NOX4: variants seen among roughly 807,000 people sequenced by gnomAD.
NOX4 encodes the protein NADPH oxidase 4.
Under a neutral mutation model 87.6 loss-of-function variants are expected in NOX4, and 69 were observed. The ratio of observed to expected loss-of-function variants is 0.79; its 90% CI spans 0.65 to 0.96. The LOEUF (loss-of-function observed/expected upper bound fraction) is 0.96, where lower values mean the gene tolerates loss of function less well. NOX4 is among the 40% of genes least tolerant of loss of function. The probability of loss-of-function intolerance (pLI) is 0.00; values close to 1 mark genes in which losing one functional copy is unlikely to be tolerated. For synonymous variants in NOX4, 275 were observed against 238.2 expected (o/e 1.15, Z -1.42); for missense variants, 680 against 681.5 (o/e 1.00, Z 0.02).
intron 11 of NOX4, among the ~76,000 whole-genome samples, chr11:89,398,981 C>T (rs1165099863): frequency 6.6e-6 from 1 of 151,864 alleles, no homozygotes; most frequent in East Asian, 2.0e-4. Flanking sequence ...TATGCAGAAG[C>T]ATATGGGAAA....
the NOX4 span, among the ~76,000 whole-genome samples, chr11:89,560,307 A>G: frequency 6.6e-6 from 1 of 152,116 alleles, no homozygotes. Context: ...TTTCACAGGG[A>G]GCATGGCCCT....
intron 8 of NOX4, among the ~76,000 whole-genome samples, chr11:89,421,408 G>GTTTTT (rs143690618): frequency 3.3e-5 from 5 of 150,922 alleles, no homozygotes; most frequent in Non-Finnish European, 7.4e-5. Context: ...TTCACTTTAT[G>GTTTTT]TTTTTTTTCC....
chr11:89,530,636 G>C, the NOX4 span, among the ~76,000 whole-genome samples: 1 of 151,660 alleles, frequency 6.6e-6, no homozygotes. Context: ...AAAGTGTTGA[G>C]ATTACAGGTG....
intron 8 of NOX4, among the ~76,000 whole-genome samples, chr11:89,413,516 AT>A (rs1942597426): frequency 6.6e-6 from 1 of 152,132 alleles, no homozygotes; most frequent in Non-Finnish European, 1.5e-5. Context: ...AGATCCTCTC[AT>A]TTTCAACGAC....
intron 13 of NOX4, among the ~76,000 whole-genome samples, chr11:89,344,637 G>A (rs879313695): frequency 3.3e-5 from 5 of 152,182 alleles, no homozygotes; most frequent in Non-Finnish European, 4.4e-5. Flanking sequence ...ACTCTTCACC[G>A]AACATTTAAT....
At chr11:89,368,099 TAA>T (rs1939148238) in intron 12 of NOX4, among the ~76,000 whole-genome samples, 1 of 151,978 alleles carries the variant, frequency 6.6e-6, no homozygotes, top group African/African-American at 2.4e-5. Flanking sequence ...ATCATTCAAA[TAA>T]GTGTATAAAT....
intron 12 of NOX4, among the ~76,000 whole-genome samples, chr11:89,364,163 C>T (rs1265024270): frequency 2.6e-5 from 4 of 152,046 alleles, no homozygotes; most frequent in South Asian, 2.1e-4. Flanking sequence ...AAGAGGATTG[C>T]TCAAGCCCAG....
rs192537446 is a variant in NOX4, at chr11:89,468,666, A to C, written c.154-16771T>G. Among the ~76,000 whole-genome samples, 12 of 151,420 alleles carry C rather than the reference A, an allele frequency of 7.9e-5. No homozygotes were observed. The East Asian group carries it at 2.3e-3, about 30-fold the overall frequency. On this transcript the variant is annotated intron_variant, in intron 2 of 17. Transcript: ENST00000263317. ...GGTACATAAATGCAAGAATTAACCT[A>C]TTCTATTATATTGGTTGTGAATTCT...
chr11:89,518,714 T>C, the NOX4 span, among the ~76,000 whole-genome samples: 1 of 152,040 alleles, frequency 6.6e-6, no homozygotes, highest in Non-Finnish European at 1.5e-5. Flanking sequence ...AAAAGTTGTA[T>C]GGTATAATAA....
At chr11:89,517,237 T>G in the NOX4 span, among the ~76,000 whole-genome samples, 1 of 152,088 alleles carries the variant, frequency 6.6e-6, no homozygotes, top group African/African-American at 2.4e-5. Context: ...AACTTTTTAT[T>G]TCATTGGCCA....
In NOX4 at chr11:89,444,252, G is replaced by A; in HGVS notation, c.350-20C>T. 3 of 1,601,160 alleles carry A rather than the reference G, an allele frequency of 1.9e-6. No individual in the cohort carries two copies. In the East Asian group the frequency reaches 6.7e-5, roughly 36 times the overall value. ...GCACGCCTACAGAATTACACCAGGG[G>A]TAAGTTAGTGGGATTTGCATATATG... On this transcript the variant is annotated intron_variant, in intron 4 of 17. Transcript: ENST00000263317.
the NOX4 span, among the ~76,000 whole-genome samples, chr11:89,550,874 A>G: frequency 2.0e-5 from 3 of 152,118 alleles, no homozygotes; most frequent in African/African-American, 7.2e-5. Context: ...GCCCATGCCC[A>G]TGGTATTGCC....
chr11:89,502,392 C>T (rs965623611), upstream of NOX4, among the ~76,000 whole-genome samples: 8 of 152,084 alleles, frequency 5.3e-5, no homozygotes, highest in Non-Finnish European at 8.8e-5. Context: ...GAGAAAATTG[C>T]TTATATTTCA....
At chr11:89,572,527 TTTTG>T in the NOX4 span, among the ~76,000 whole-genome samples, 170 of 152,028 alleles carry the variant, frequency 1.1e-3, no homozygotes, top group African/African-American at 3.1e-3. Context: ...TTATATGTTT[TTTTG>T]TTTGTTTGTT....
At chr11:89,337,834 T>C (rs1261163691) in intron 15 of NOX4, among the ~76,000 whole-genome samples, 1 of 152,052 alleles carries the variant, frequency 6.6e-6, no homozygotes, top group Non-Finnish European at 1.5e-5. Flanking sequence ...TACTCCTTAT[T>C]TTATTCCTTA....
At position 89,330,568 on chromosome 11, in the gene NOX4, A is replaced by G. The variant is rs1203554350; in HGVS notation, c.1617-3692T>C. Among the ~76,000 whole-genome samples, 6 of 151,750 alleles carry G rather than the reference A, an allele frequency of 4.0e-5. No individual in the cohort carries two copies. In the East Asian group the frequency reaches 1.2e-3, roughly 30 times the overall value. Reference sequence around the variant, plus strand: ...AATTTGCTTTTCTAACAAGATTCCAATTGATGCTGGTCCAAGGAATCCAGT... The same window carrying G: ...AATTTGCTTTTCTAACAAGATTCCAGTTGATGCTGGTCCAAGGAATCCAGT... On this transcript the variant is annotated intron_variant, in intron 17 of 17. Transcript: ENST00000263317.
At chr11:89,579,591 C>G in the NOX4 span, among the ~76,000 whole-genome samples, 4 of 151,522 alleles carry the variant, frequency 2.6e-5, no homozygotes. Flanking sequence ...TGTAAAATAG[C>G]CATAGAATAT....
chr11:89,532,357 G>A, the NOX4 span, among the ~76,000 whole-genome samples: 4 of 152,218 alleles, frequency 2.6e-5, no homozygotes, highest in Non-Finnish European at 5.9e-5. Context: ...GCATGCCCTG[G>A]ATGTGAGACA....
chr11:89,520,129 A>G, the NOX4 span, among the ~76,000 whole-genome samples: 2 of 151,962 alleles, frequency 1.3e-5, no homozygotes, highest in Non-Finnish European at 2.9e-5. Flanking sequence ...AGGGTTGGGG[A>G]AGGCGTAGCT....
Sources: allele counts gnomAD v4.1 joint callset (sites outside exome capture counted in the v4.1 genomes callset), GRCh38; gene constraint gnomAD v4.1.1; transcripts MANE v1.5; gene names NCBI Gene and HGNC (gene_info 2026-07-23, HGNC 2026-07-21).